Variants in DLG1 observed in about 807,000 individuals in gnomAD.
DLG1 encodes discs large MAGUK scaffold protein 1.
In DLG1, 42 loss-of-function variants were observed where a neutral mutation model predicts 123.4. The ratio of observed to expected loss-of-function variants is 0.34; its 90% CI spans 0.27 to 0.44. DLG1 has a LOEUF of 0.44. DLG1 is among the 20% of genes least tolerant of loss of function. DLG1 has a pLI of 1.00. For synonymous variants in DLG1, 317 were observed against 356.2 expected, an observed-to-expected ratio of 0.89 and a Z score of 1.24; for missense variants, 942 against 1,082.6, an observed-to-expected ratio of 0.87 and a Z score of 1.82.
At chr3:197,116,409 T>TA (rs1773336240) in intron 12 of DLG1, among the ~76,000 whole-genome samples, 1 of 152,240 alleles carries the variant, frequency 6.6e-6, no homozygotes, top group African/African-American at 2.4e-5. Context: ...GTTGCACACT[T>TA]TATTGCCTTC....
In DLG1 at chr3:197,297,651, C is replaced by T. The variant is rs909033352; in HGVS notation, c.-31-416G>A. The stretch of plus-strand genomic sequence containing the variant: ...AGCGGGACTGGCCGCCCGCCCTGCT[C>T]GGGCCCCCTCCTCTCGCTTGCCTTT... On this transcript the variant is annotated intron_variant, in intron 1 of 24. Coordinates refer to ENST00000667157, the MANE Select transcript of DLG1 (RefSeq NM_001366207.1). 3.0e-6 allele frequency: 3 copies of T among 994,068 alleles called. No individual in the cohort carries two copies. In the African/African-American group the frequency reaches 5.2e-5, roughly 17 times the overall value. 61.6% of individuals were successfully genotyped at this position (994,068 alleles called of 1,614,324 possible). A position where few individuals can be genotyped will look rare whatever the true frequency, so the allele number is the denominator to read the frequency against.
intron 4 of DLG1, among the ~76,000 whole-genome samples, chr3:197,265,523 G>C (rs1367171335): frequency 6.6e-6 from 1 of 152,184 alleles, no homozygotes; most frequent in Non-Finnish European, 1.5e-5. Context: ...GTACCAGAAA[G>C]GAGAGAGCGG....
At chr3:197,129,557 A>G (rs1191152334) in intron 11 of DLG1, among the ~76,000 whole-genome samples, 1 of 152,126 alleles carries the variant, frequency 6.6e-6, no homozygotes, top group Non-Finnish European at 1.5e-5. Context: ...AGTACTTTTA[A>G]TTTTCTTCAA....
intron 15 of DLG1, among the ~76,000 whole-genome samples, chr3:197,089,313 A>G (rs1417618550): frequency 1.3e-5 from 2 of 152,070 alleles, no homozygotes; most frequent in African/African-American, 4.8e-5. Flanking sequence ...AGGCCCATGA[A>G]GTCAGGAGAT....
intron 4 of DLG1, among the ~76,000 whole-genome samples, chr3:197,253,962 G>C (rs1033047308): frequency 6.6e-6 from 1 of 151,776 alleles, no homozygotes; most frequent in African/African-American, 2.4e-5. Flanking sequence ...GCACACGAAG[G>C]AAAGAATCTA....
chr3:197,046,674 A>G (rs1033741763), intron 24 of DLG1, among the ~76,000 whole-genome samples: 14 of 152,190 alleles, frequency 9.2e-5, no homozygotes, highest in African/African-American at 3.4e-4. Flanking sequence ...GTTTGAGACC[A>G]GCCTGGGCAA....
chr3:197,067,897 C>A (rs1042749230), intron 19 of DLG1, among the ~76,000 whole-genome samples: 4 of 150,828 alleles, frequency 2.7e-5, no homozygotes, highest in Non-Finnish European at 5.9e-5. Flanking sequence ...ACACATCCCC[C>A]CTCACCCCCA....
At chr3:197,296,993 GTTAAGAAAGT>G (rs1777745953) in intron 2 of DLG1, 183 bp downstream of exon 2, 1 of 621,242 alleles carries the variant, frequency 1.6e-6, no homozygotes, top group Non-Finnish European at 2.8e-6. Context: ...CTAGAGAAAT[GTTAAGAAAGT>G]TTAACAAACA....
intron 24 of DLG1, among the ~76,000 whole-genome samples, chr3:197,049,681 G>C (rs1018252013): frequency 7.6e-6 from 1 of 132,210 alleles, no homozygotes; most frequent in Non-Finnish European, 1.7e-5. Context: ...GAACCCGGGA[G>C]GTTGTGGTGA....
chr3:197,297,273 C>T, intron 1 of DLG1, 38 bp from the exon 2 acceptor site: 4 of 1,610,304 alleles, frequency 2.5e-6, no homozygotes, highest in Non-Finnish European at 3.4e-6. Context: ...AGGATAGAAT[C>T]ATGTTAAACT....
chr3:197,156,139 A>C (rs1796320750), intron 5 of DLG1, among the ~76,000 whole-genome samples: 1 of 152,238 alleles, frequency 6.6e-6, no homozygotes, highest in Non-Finnish European at 1.5e-5. Context: ...CAATATATGA[A>C]GATGTAATTC....
intron 5 of DLG1, among the ~76,000 whole-genome samples, chr3:197,152,762 CAAAAAAAA>C (rs63446260): frequency 1.9e-5 from 1 of 52,532 alleles, no homozygotes; most frequent in African/African-American, 7.8e-5. Context: ...GACTCTGTCT[CAAAAAAAA>C]AAAAAAAAAA....
intron 4 of DLG1, among the ~76,000 whole-genome samples, chr3:197,274,925 C>G (rs1288961547): frequency 6.6e-6 from 1 of 152,188 alleles, no homozygotes; most frequent in Non-Finnish European, 1.5e-5. Context: ...GTGGCTCACG[C>G]CTGTAATCCC....
rs182051671 is a variant in DLG1, at chr3:197,210,769, T to C, written c.319-16180A>G. Among the ~76,000 whole-genome samples the C allele has an allele frequency of 1.7e-4, 25 of 144,228 alleles. 1 individual carries two copies. In the East Asian group the frequency reaches 3.4e-3, roughly 19 times the overall value. The allele number at this position is 144,228 out of a possible 152,430, so 94.6% of individuals were successfully genotyped here. A position where few individuals can be genotyped will look rare whatever the true frequency, so the allele number is the denominator to read the frequency against. ...TACCAAGCATTTAAGAAAGAAACAA[T>C]ATCAATTTTACATAATTCTTTCAAT... is the stretch of plus-strand genomic sequence containing the variant. On this transcript the variant is annotated intron_variant, in intron 4 of 24. Coordinates refer to ENST00000667157, the MANE Select transcript of DLG1 (RefSeq NM_001366207.1).
intron 14 of DLG1, among the ~76,000 whole-genome samples, chr3:197,095,420 T>G (rs1760102544): frequency 1.3e-5 from 2 of 152,202 alleles, no homozygotes; most frequent in Admixed American, 6.5e-5. Context: ...TTCTCGGTGT[T>G]TCCTTGACTT....
intron 18 of DLG1, among the ~76,000 whole-genome samples, chr3:197,074,717 C>T (rs1023928591): frequency 6.6e-6 from 1 of 151,978 alleles, no homozygotes; most frequent in African/African-American, 2.4e-5. Flanking sequence ...GCAAAAATAA[C>T]AAAGTGTGTC....
intron 4 of DLG1, among the ~76,000 whole-genome samples, chr3:197,262,560 T>C (rs534006771): frequency 7.9e-5 from 12 of 152,332 alleles, no homozygotes; most frequent in Admixed American, 3.9e-4. Flanking sequence ...GTCAGAAGCA[T>C]AGGTCACAAT....
chr3:197,100,216 G>GATT (rs1295966398), intron 14 of DLG1, among the ~76,000 whole-genome samples: 1 of 152,198 alleles, frequency 6.6e-6, no homozygotes, highest in Non-Finnish European at 1.5e-5. Flanking sequence ...AATCTTCCCA[G>GATT]ATTATCTCCA....
intron 13 of DLG1, among the ~76,000 whole-genome samples, chr3:197,114,749 G>A (rs1480337750): frequency 7.2e-5 from 11 of 152,076 alleles, no homozygotes; most frequent in Non-Finnish European, 8.8e-5. Context: ...TTGGGAGGCC[G>A]AGGTGGGAGG....
Sources: gnomAD v4.1 joint callset for allele counts (sites outside exome capture counted in the v4.1 genomes callset) on GRCh38, gnomAD v4.1.1 for gene constraint, MANE v1.5 for transcripts, NCBI Gene and HGNC (gene_info 2026-07-23, HGNC 2026-07-21) for gene names.